Variants in ITPRID1 observed in about 807,000 individuals in gnomAD.
ITPRID1 encodes ITPR interacting domain containing 1, also known as protein ITPRID1.
ITPRID1 carries 96 observed loss-of-function variants against 95.4 expected under a neutral mutation model. That is an observed-to-expected ratio of 1.01 (90% CI 0.85 to 1.19). The LOEUF (loss-of-function observed/expected upper bound fraction) is 1.19, where lower values mean the gene tolerates loss of function less well. Ranked by LOEUF, ITPRID1 falls within the 50% of genes most tolerant of loss-of-function variation. The pLI, the probability that ITPRID1 is intolerant of heterozygous loss-of-function variation, is 0.00. For missense variants in ITPRID1, 1,339 were observed against 1,252.9 expected (o/e 1.07, Z -1.04); for synonymous variants, 510 against 453.6 (o/e 1.12, Z -1.58).
chr7:31,635,113 A>G (rs1425715362), intron 10 of ITPRID1, among the ~76,000 whole-genome samples: 1 of 152,160 alleles, frequency 6.6e-6, no homozygotes, highest in East Asian at 1.9e-4. Context: ...GTGATAAATG[A>G]TGTACATTTG....
intron 10 of ITPRID1, among the ~76,000 whole-genome samples, chr7:31,590,941 A>G (rs527831936): frequency 1.2e-4 from 18 of 152,344 alleles, no homozygotes; most frequent in African/African-American, 3.4e-4. Flanking sequence ...TCAGTTTCTC[A>G]TACAGTTCAA....
chr7:31,597,002 A>G (rs1307965762), intron 10 of ITPRID1, among the ~76,000 whole-genome samples: 1 of 151,996 alleles, frequency 6.6e-6, no homozygotes, highest in Admixed American at 6.5e-5. Context: ...AATAAAGCAT[A>G]TTACATTAAC....
intron 8 of ITPRID1, among the ~76,000 whole-genome samples, chr7:31,576,278 C>T (rs1359341723): frequency 2.6e-5 from 4 of 152,088 alleles, no homozygotes; most frequent in African/African-American, 4.8e-5. Context: ...CATTCAAAGT[C>T]GATACAAATG....
intron 1 of ITPRID1, among the ~76,000 whole-genome samples, chr7:31,539,136 C>G (rs1251573778): frequency 6.6e-6 from 1 of 152,146 alleles, no homozygotes; most frequent in Non-Finnish European, 1.5e-5. Context: ...AACAAAACTG[C>G]TATAAACATC....
At chr7:31,557,925 C>T (rs977190296) in intron 5 of ITPRID1, among the ~76,000 whole-genome samples, 1 of 152,168 alleles carries the variant, frequency 6.6e-6, no homozygotes, top group Non-Finnish European at 1.5e-5. Context: ...TTTCAATGTT[C>T]CCTCCAAAAC....
Position 31,655,668 on chromosome 7 carries a change from T to A in ITPRID1, c.*2839T>A. 3.3e-6 allele frequency: 3 copies of A among 909,016 alleles called. No homozygotes were observed. The highest frequency in any genetic ancestry group is 3.9e-6 in the Non-Finnish European group (3 of 759,878). The allele number at this position is 909,016 out of a possible 1,614,324, so 56.3% of individuals were successfully genotyped here. A position where few individuals can be genotyped will look rare whatever the true frequency, so the allele number is the denominator to read the frequency against. ...ATCATCCCTTTTTGCCACATCCCCA[T>A]CTTGGCTCCTATATCATGGCTCAGC... is the stretch of plus-strand genomic sequence containing the variant. On this transcript the variant is annotated 3_prime_UTR_variant, in exon 15 of 15. Coordinates refer to ENST00000615280, the MANE Select transcript of ITPRID1 (RefSeq NM_001257967.3).
intron 10 of ITPRID1, among the ~76,000 whole-genome samples, chr7:31,590,014 C>G (rs984701045): frequency 2.0e-5 from 3 of 151,860 alleles, no homozygotes; most frequent in Non-Finnish European, 4.4e-5. Context: ...AGAGGTATAG[C>G]AAAATGCTAA....
At chr7:31,590,699 A>C (rs1464726689) in intron 10 of ITPRID1, among the ~76,000 whole-genome samples, 1 of 152,188 alleles carries the variant, frequency 6.6e-6, no homozygotes, top group Non-Finnish European at 1.5e-5. Flanking sequence ...CTTGGGAGGA[A>C]GATTGAGGAC....
intron 1 of ITPRID1, among the ~76,000 whole-genome samples, chr7:31,515,301 A>T (rs1783010030): frequency 6.6e-6 from 1 of 152,162 alleles, no homozygotes; most frequent in African/African-American, 2.4e-5. Context: ...AAAAAAAGAA[A>T]AAACAGAGAG....
At chr7:31,640,012 G>A (rs1005545387) in intron 10 of ITPRID1, among the ~76,000 whole-genome samples, 4 of 152,036 alleles carry the variant, frequency 2.6e-5, no homozygotes, top group African/African-American at 9.7e-5. Flanking sequence ...TTACCATATA[G>A]GTGGTAGATA....
intron 10 of ITPRID1, among the ~76,000 whole-genome samples, chr7:31,616,845 T>C (rs536232468): frequency 6.6e-6 from 1 of 151,492 alleles, no homozygotes; most frequent in Non-Finnish European, 1.5e-5. Context: ...TTATCAGATA[T>C]CCAAACCTCT....
chr7:31,567,622 C>T (rs1351209730), intron 5 of ITPRID1, among the ~76,000 whole-genome samples: 7 of 151,468 alleles, frequency 4.6e-5, no homozygotes, highest in Non-Finnish European at 8.8e-5. Context: ...TGCTCTGTCA[C>T]CCAGGCTTGA....
At chr7:31,621,702 C>T (rs1384915387) in intron 10 of ITPRID1, among the ~76,000 whole-genome samples, 33 of 144,822 alleles carry the variant, frequency 2.3e-4, no homozygotes, top group Non-Finnish European at 3.4e-4. Flanking sequence ...CATCAACTAA[C>T]GAGCAAAATA....
chr7:31,626,018 ACT>A (rs1308549331), intron 10 of ITPRID1, among the ~76,000 whole-genome samples: 2 of 152,124 alleles, frequency 1.3e-5, no homozygotes, highest in African/African-American at 4.8e-5. Context: ...TTTATGACTA[ACT>A]CTATGATTTT....
At chr7:31,521,540 T>C (rs762747673) in intron 1 of ITPRID1, among the ~76,000 whole-genome samples, 3 of 152,194 alleles carry the variant, frequency 2.0e-5, no homozygotes, top group Admixed American at 6.5e-5. Flanking sequence ...GATTATGATA[T>C]GTAGATTATC....
chr7:31,579,906 T>G (rs779661689), intron 9 of ITPRID1, among the ~76,000 whole-genome samples: 5 of 151,998 alleles, frequency 3.3e-5, no homozygotes, highest in Non-Finnish European at 7.4e-5. Context: ...ATGCCCTGAT[T>G]TGAGGATAAA....
At chr7:31,605,554 T>G (rs1339024685) in intron 10 of ITPRID1, among the ~76,000 whole-genome samples, 3 of 152,198 alleles carry the variant, frequency 2.0e-5, no homozygotes, top group Non-Finnish European at 2.9e-5. Context: ...GGAAGGAAGA[T>G]CCTAGTTCTT....
chr7:31,586,764 C>A (rs765477725), intron 10 of ITPRID1, among the ~76,000 whole-genome samples: 3 of 151,642 alleles, frequency 2.0e-5, no homozygotes, highest in East Asian at 1.9e-4. Flanking sequence ...GAGTAGGTTG[C>A]GAAAATTTTC....
intron 2 of ITPRID1, 146 bp downstream of exon 2, chr7:31,549,645 T>C (rs1172507815): frequency 1.8e-6 from 1 of 542,268 alleles, no homozygotes; most frequent in Non-Finnish European, 3.1e-6. Flanking sequence ...AGAGCTGATA[T>C]TAAAATCCAG....
Sources: gnomAD v4.1 joint callset for allele counts (sites outside exome capture counted in the v4.1 genomes callset) on GRCh38, gnomAD v4.1.1 for gene constraint, MANE v1.5 for transcripts, NCBI Gene and HGNC (gene_info 2026-07-23, HGNC 2026-07-21) for gene names.